RBFOX1: variants seen among roughly 807,000 people sequenced by gnomAD.
RBFOX1 encodes the protein RNA binding fox-1 homolog 1.
A neutral mutation model predicts 57.7 loss-of-function variants in RBFOX1; 8 were observed. The ratio of observed to expected loss-of-function variants is 0.14; its 90% confidence interval spans 0.08 to 0.25. The LOEUF is 0.25. Ranked by LOEUF, RBFOX1 falls within the 10% of genes least tolerant of loss-of-function variation. The probability of loss-of-function intolerance (pLI) is 1.00; values close to 1 mark genes in which losing one functional copy is unlikely to be tolerated. For missense variants in RBFOX1, 611 were observed against 548.5 expected, an observed-to-expected ratio of 1.11 and a Z score of -1.14; for synonymous variants, 326 against 222.4, an observed-to-expected ratio of 1.47 and a Z score of -4.15.
intron 4 of RBFOX1, among the ~76,000 whole-genome samples, chr16:5,889,783 C>A (rs2058001132): frequency 1.3e-5 from 2 of 152,138 alleles, no homozygotes; most frequent in Non-Finnish European, 2.9e-5. Flanking sequence ...TGATCAAGGC[C>A]TGAGAGAGAT....
intron 3 of RBFOX1, among the ~76,000 whole-genome samples, chr16:6,893,254 G>T (rs575662916): frequency 5.0e-4 from 76 of 152,290 alleles, no homozygotes; most frequent in African/African-American, 1.7e-3. Context: ...TCTCCCAGAA[G>T]AACACCGTGG....
intron 4 of RBFOX1, among the ~76,000 whole-genome samples, chr16:7,076,038 T>A (rs953585040): frequency 7.4e-6 from 1 of 135,744 alleles, no homozygotes; most frequent in Non-Finnish European, 1.6e-5. Flanking sequence ...ACACTTGGGC[T>A]TTTTTTTTTT....
At chr16:5,684,198 G>T (rs2050433033) in intron 3 of RBFOX1, among the ~76,000 whole-genome samples, 1 of 152,190 alleles carries the variant, frequency 6.6e-6, no homozygotes. Context: ...GGGAGAGGAT[G>T]GCGCCCTCTT....
intron 4 of RBFOX1, among the ~76,000 whole-genome samples, chr16:7,181,749 C>T (rs1400066307): frequency 1.3e-5 from 2 of 151,888 alleles, no homozygotes; most frequent in African/African-American, 2.4e-5. Context: ...TTGGTAGAGA[C>T]ACAGTCTTGC....
chr16:7,096,272 T>C (rs1309887683), intron 4 of RBFOX1, among the ~76,000 whole-genome samples: 1 of 152,128 alleles, frequency 6.6e-6, no homozygotes, highest in Non-Finnish European at 1.5e-5. Flanking sequence ...AAAGGGGATA[T>C]GTAGGCTGAG....
chr16:7,175,742 T>C (rs2152488344), intron 4 of RBFOX1, among the ~76,000 whole-genome samples: 1 of 152,330 alleles, frequency 6.6e-6, no homozygotes, highest in Middle Eastern at 3.4e-3. Flanking sequence ...GTATTATTTC[T>C]TTCATTTTTT....
chr16:6,955,766 C>G (rs545052970), intron 3 of RBFOX1, among the ~76,000 whole-genome samples: 16 of 151,904 alleles, frequency 1.1e-4, no homozygotes, highest in African/African-American at 3.9e-4. Flanking sequence ...TGCAGTGCCG[C>G]TATCTTGGGG....
intron 4 of RBFOX1, among the ~76,000 whole-genome samples, chr16:7,402,700 C>T (rs772657168): frequency 1.1e-4 from 16 of 152,140 alleles, no homozygotes; most frequent in Admixed American, 5.9e-4. Flanking sequence ...CAGCCACTGG[C>T]ACCTAATATG....
chr16:5,466,608 C>A (rs966079751), intron 1 of RBFOX1, among the ~76,000 whole-genome samples: 8 of 152,254 alleles, frequency 5.3e-5, no homozygotes, highest in African/African-American at 1.9e-4. Context: ...CTGTGGTTTC[C>A]CATATTGCTT....
chr16:5,335,574 C>T (rs1446503487), intron 1 of RBFOX1, among the ~76,000 whole-genome samples: 1 of 152,102 alleles, frequency 6.6e-6, no homozygotes, highest in South Asian at 2.1e-4. Flanking sequence ...CTTTGATAGG[C>T]TTTGCTATGT....
chr16:6,732,660 G>T (rs1332698788), intron 3 of RBFOX1, among the ~76,000 whole-genome samples: 1 of 152,232 alleles, frequency 6.6e-6, no homozygotes, highest in African/African-American at 2.4e-5. Context: ...AGAGCAAGGT[G>T]AATGCTTAGC....
chr16:7,447,121 G>A (rs1407237193), intron 4 of RBFOX1, among the ~76,000 whole-genome samples: 1 of 151,956 alleles, frequency 6.6e-6, no homozygotes, highest in Non-Finnish European at 1.5e-5. Flanking sequence ...CTCAAGGTAG[G>A]TCTGGGTTTT....
chr16:7,358,383 A>C (rs2097257585), intron 4 of RBFOX1, among the ~76,000 whole-genome samples: 1 of 152,112 alleles, frequency 6.6e-6, no homozygotes, highest in Admixed American at 6.6e-5. Context: ...TTATTCAAGG[A>C]AAATTAAGAC....
At chr16:7,124,814 T>G (rs1246184810) in intron 4 of RBFOX1, among the ~76,000 whole-genome samples, 1 of 151,964 alleles carries the variant, frequency 6.6e-6, no homozygotes, top group Non-Finnish European at 1.5e-5. Flanking sequence ...GTAGAGACAG[T>G]CCGTATCCTG....
chr16:6,213,563 C>G (rs2097312103), intron 1 of RBFOX1, among the ~76,000 whole-genome samples: 1 of 152,184 alleles, frequency 6.6e-6, no homozygotes, highest in South Asian at 2.1e-4. Context: ...CTGATCATTG[C>G]TGAAAAGTTG....
intron 3 of RBFOX1, among the ~76,000 whole-genome samples, chr16:6,983,252 G>A (rs530697450): frequency 1.8e-4 from 27 of 152,132 alleles, no homozygotes; most frequent in Admixed American, 1.3e-3. Flanking sequence ...AGAGCTACTT[G>A]GAATCACTAG....
chr16:5,287,083 C>T (rs774757985), intron 1 of RBFOX1, among the ~76,000 whole-genome samples: 14 of 152,072 alleles, frequency 9.2e-5, no homozygotes, highest in South Asian at 2.1e-4. Flanking sequence ...GGCAGGAGGA[C>T]GGCTTGAGGC....
chr16:5,827,888 TCC>T, intron 3 of RBFOX1, among the ~76,000 whole-genome samples: 1 of 148,816 alleles, frequency 6.7e-6, no homozygotes, highest in African/African-American at 2.5e-5. Flanking sequence ...CATCCATCCA[TCC>T]ATCCATCCAT....
chr16:5,858,071 A>G (rs141934675), intron 3 of RBFOX1, among the ~76,000 whole-genome samples: 41 of 152,318 alleles, frequency 2.7e-4, no homozygotes, highest in African/African-American at 8.9e-4. Flanking sequence ...AGGGTTTTTA[A>G]GGATCTTTGT....
Sources: allele counts gnomAD v4.1 joint callset (sites outside exome capture counted in the v4.1 genomes callset), GRCh38; gene constraint gnomAD v4.1.1; transcripts MANE v1.5; gene names NCBI Gene and HGNC (gene_info 2026-07-23, HGNC 2026-07-21).